The following SLIT3 variants were observed in gnomAD, a reference collection of about 807,000 sequenced individuals.
SLIT3 encodes slit homolog 3 protein.
A neutral mutation model predicts 184.0 loss-of-function variants in SLIT3; 68 were observed. The observed-to-expected ratio is 0.37, with a 90% CI of 0.30 to 0.45. The LOEUF (loss-of-function observed/expected upper bound fraction) is 0.45. SLIT3 is among the 20% of genes least tolerant of loss of function. SLIT3 has a pLI of 1.00. For synonymous variants in SLIT3, 831 were observed against 828.6 expected, an observed-to-expected ratio of 1.00 and a Z score of -0.05; for missense variants, 1,707 against 2,026.0, an observed-to-expected ratio of 0.84 and a Z score of 3.02.
rs114994283 is a variant in SLIT3 at position 168,828,758 on chromosome 5, C to G, written c.558-5427G>C. ...GCATATGCTCAAGCCCCTACTGAAT[C>G]AGGAACCCTGGGGTGGGTCTCAGCC... On this transcript the variant is annotated intron_variant, in intron 6 of 35. Coordinates refer to ENST00000519560, the MANE Select transcript of SLIT3 (RefSeq NM_003062.4). 5.6e-3 allele frequency among the ~76,000 whole-genome samples: 853 copies of G among 152,032 alleles called. 6 individuals carry two copies. Among genetic ancestry groups the G allele is most frequent in the African/African-American group, 0.02 (810 of 41,480 alleles).
At chr5:169,249,447 C>G (rs1445217046) in intron 2 of SLIT3, among the ~76,000 whole-genome samples, 1 of 152,134 alleles carries the variant, frequency 6.6e-6, no homozygotes, top group African/African-American at 2.4e-5. Flanking sequence ...TTTAAACTTT[C>G]TATTTGCAGA....
intron 1 of SLIT3, among the ~76,000 whole-genome samples, chr5:169,270,305 T>A (rs893682184): frequency 2.6e-5 from 4 of 152,190 alleles, no homozygotes; most frequent in African/African-American, 7.2e-5. Context: ...TCACGCTCCA[T>A]ATCCCCGCAC....
chr5:169,094,722 G>C (rs1759715282), intron 4 of SLIT3, among the ~76,000 whole-genome samples: 2 of 152,228 alleles, frequency 1.3e-5, no homozygotes, highest in African/African-American at 4.8e-5. Context: ...ACACACCAAG[G>C]TGTGAAGAAT....
Position 168,967,437 on chromosome 5 carries a change from CTTTT to C in SLIT3, c.414-84105_414-84102del, listed in dbSNP as rs540309809. Among the ~76,000 whole-genome samples, 19 of 32,738 alleles carry C rather than the reference CTTTT, an allele frequency of 5.8e-4. 3 individuals carry two copies. In the East Asian group the frequency reaches 8.9e-3, roughly 15 times the overall value. The allele number at this position is 32,738 out of a possible 152,430, so 21.5% of individuals were successfully genotyped here. On this transcript the variant is annotated intron_variant, in intron 4 of 35. Transcript: ENST00000519560. ...TTCCTCTGGCACTGCCATCTCAAAT[CTTTT>C]TTTTTTTTTTTTTTTTGAGACGGAG...
At chr5:168,699,005 A>G (rs548984089) in intron 27 of SLIT3, among the ~76,000 whole-genome samples, 20 of 152,100 alleles carry the variant, frequency 1.3e-4, no homozygotes, top group East Asian at 3.9e-4. Flanking sequence ...GACCCCCCCA[A>G]TCCCTCGCCT....
At chr5:169,106,083 A>G (rs1457330437) in intron 4 of SLIT3, among the ~76,000 whole-genome samples, 10 of 152,144 alleles carry the variant, frequency 6.6e-5, no homozygotes, top group Non-Finnish European at 1.5e-4. Flanking sequence ...ATCAGGAAGA[A>G]TAGCTAATGA....
chr5:168,882,713 T>A (rs926387932), intron 5 of SLIT3, among the ~76,000 whole-genome samples: 1 of 151,576 alleles, frequency 6.6e-6, no homozygotes, highest in Non-Finnish European at 1.5e-5. Flanking sequence ...ATAAAAAGTT[T>A]AAAAAAAAAT....
intron 16 of SLIT3, 33 bp downstream of exon 16, chr5:168,760,829 G>C (rs2113501200): frequency 6.5e-7 from 1 of 1,537,156 alleles, no homozygotes; most frequent in East Asian, 2.2e-5. Flanking sequence ...CTAGAGAACA[G>C]AGGCTGCTGC....
intron 4 of SLIT3, among the ~76,000 whole-genome samples, chr5:168,955,327 C>T (rs1418884802): frequency 1.3e-5 from 2 of 152,088 alleles, no homozygotes; most frequent in Non-Finnish European, 2.9e-5. Context: ...AGCAGTGCTC[C>T]CTAGAGGCTC....
chr5:168,867,873 T>C (rs1219181100), intron 5 of SLIT3, among the ~76,000 whole-genome samples: 2 of 152,124 alleles, frequency 1.3e-5, no homozygotes, highest in Admixed American at 6.5e-5. Context: ...AATCTTCCAT[T>C]CACATCCTTG....
intron 4 of SLIT3, among the ~76,000 whole-genome samples, chr5:169,105,415 A>G (rs1423865860): frequency 6.6e-6 from 1 of 152,190 alleles, no homozygotes; most frequent in Non-Finnish European, 1.5e-5. Flanking sequence ...CCCCATCTTT[A>G]TCCTCATGGA....
At chr5:169,073,684 G>T (rs1758632573) in intron 4 of SLIT3, among the ~76,000 whole-genome samples, 1 of 151,982 alleles carries the variant, frequency 6.6e-6, no homozygotes. Context: ...GAGTTTACCT[G>T]AGAGCTGGCG....
At chr5:169,168,300 A>G (rs1445500487) in intron 4 of SLIT3, among the ~76,000 whole-genome samples, 1 of 152,222 alleles carries the variant, frequency 6.6e-6, no homozygotes, top group Non-Finnish European at 1.5e-5. Context: ...ATTCTTAATA[A>G]GGTGAAAAAT....
At chr5:168,707,812 T>G in intron 26 of SLIT3, 164 bp downstream of exon 26, 1 of 744,784 alleles carries the variant, frequency 1.3e-6, no homozygotes. Flanking sequence ...CAGAGAACAG[T>G]GTTACTGGCA....
At chr5:169,268,786 ATTT>A (rs1464864608) in intron 1 of SLIT3, among the ~76,000 whole-genome samples, 1 of 152,212 alleles carries the variant, frequency 6.6e-6, no homozygotes, top group African/African-American at 2.4e-5. Flanking sequence ...CATTTTATAA[ATTT>A]TTTAAAAAGT....
intron 3 of SLIT3, among the ~76,000 whole-genome samples, chr5:169,206,219 G>A (rs1764062943): frequency 1.3e-5 from 2 of 152,216 alleles, no homozygotes; most frequent in South Asian, 4.1e-4. Context: ...GCCTTGGGCA[G>A]CCTGTGGTTA....
At chr5:168,760,528 C>T (rs903085995) in intron 16 of SLIT3, among the ~76,000 whole-genome samples, 1 of 152,142 alleles carries the variant, frequency 6.6e-6, no homozygotes, top group African/African-American at 2.4e-5. Flanking sequence ...ATACCCGTGC[C>T]CCATTGCTAG....
At chr5:168,858,474 G>A (rs564105133) in intron 5 of SLIT3, among the ~76,000 whole-genome samples, 2 of 152,374 alleles carry the variant, frequency 1.3e-5, no homozygotes, top group East Asian at 1.9e-4. Context: ...CCTTTCAAGT[G>A]AGACTTAGGG....
At chr5:169,109,333 G>A (rs964739080) in intron 4 of SLIT3, among the ~76,000 whole-genome samples, 5 of 152,184 alleles carry the variant, frequency 3.3e-5, no homozygotes, top group Non-Finnish European at 5.9e-5. Context: ...AGCAAAAAGT[G>A]GGACCCTTAG....
Sources: gnomAD v4.1 joint callset for allele counts (sites outside exome capture counted in the v4.1 genomes callset) on GRCh38, gnomAD v4.1.1 for gene constraint, MANE v1.5 for transcripts, NCBI Gene and HGNC (gene_info 2026-07-23, HGNC 2026-07-21) for gene names.